ANKRD30A: variants seen among roughly 807,000 people sequenced by gnomAD.
The protein encoded by ANKRD30A is ankyrin repeat domain-containing protein 30A.
Under a neutral mutation model 166.3 loss-of-function variants are expected in ANKRD30A, and 170 were observed. The observed-to-expected ratio is 1.02, with a 90% confidence interval of 0.90 to 1.16. The LOEUF (loss-of-function observed/expected upper bound fraction) is 1.16, where lower values mean the gene tolerates loss of function less well. ANKRD30A is among the 50% of genes most tolerant of loss of function. ANKRD30A has a pLI of 0.00. For synonymous variants in ANKRD30A, 564 were observed against 508.9 expected (o/e 1.11, Z -1.46); for missense variants, 1,630 against 1,518.0 (o/e 1.07, Z -1.23).
At chr10:37,165,767 C>T (rs1839278578) in intron 18 of ANKRD30A, among the ~76,000 whole-genome samples, 1 of 151,964 alleles carries the variant, frequency 6.6e-6, no homozygotes, top group Admixed American at 6.6e-5. Context: ...CCTTGAGTCC[C>T]CTTATGGCAG....
intron 31 of ANKRD30A, among the ~76,000 whole-genome samples, chr10:37,210,259 A>G (rs910484430): frequency 6.6e-6 from 1 of 152,156 alleles, no homozygotes; most frequent in Non-Finnish European, 1.5e-5. Flanking sequence ...GATGGTTTCC[A>G]GCTTCATCCA....
chr10:37,136,640 A>G lies in ANKRD30A; in HGVS notation c.789A>G (p.Lys263=), dbSNP rs762692703. The G allele has an allele frequency of 3.7e-5, 53 of 1,420,636 alleles. No homozygotes were observed. The Middle Eastern group carries it at 7.1e-4, about 19-fold the overall frequency. 88.0% of individuals were successfully genotyped at this position (1,420,636 alleles called of 1,614,324 possible). A position where few individuals can be genotyped will look rare whatever the true frequency, so the allele number is the denominator to read the frequency against. ...AACAAATTATGGAATATATACGAAAATTATCTAAAAATCATCAAAATACCA... is the reference window on the plus strand; with the variant it reads ...AACAAATTATGGAATATATACGAAAGTTATCTAAAAATCATCAAAATACCA... ...IHEQIMEYIR[K]LSKNHQNTNP... is the part of the protein sequence containing the mutation. The change falls in exon 6 of 36, where the codon AAA becomes AAG. Residue 263 remains lysine, a synonymous_variant. Transcript: ENST00000361713.
At chr10:37,195,690 C>G (rs899179685) in intron 27 of ANKRD30A, among the ~76,000 whole-genome samples, 3 of 152,140 alleles carry the variant, frequency 2.0e-5, no homozygotes, top group Admixed American at 6.5e-5. Flanking sequence ...GTGAGGAGAT[C>G]GAGACCATCC....
At chr10:37,259,926 A>T in the ANKRD30A span, among the ~76,000 whole-genome samples, 1 of 152,244 alleles carries the variant, frequency 6.6e-6, no homozygotes, top group South Asian at 2.1e-4. Flanking sequence ...AAATTCATTG[A>T]GCTGTAACTA....
At chr10:37,138,589 T>C (rs1025249784) in intron 6 of ANKRD30A, among the ~76,000 whole-genome samples, 7 of 152,148 alleles carry the variant, frequency 4.6e-5, no homozygotes, top group African/African-American at 1.7e-4. Context: ...TGCACAAGCC[T>C]CAGTAGCCGA....
the ANKRD30A span, among the ~76,000 whole-genome samples, chr10:37,248,979 G>T: frequency 2.6e-5 from 4 of 152,264 alleles, no homozygotes; most frequent in East Asian, 1.9e-4. Context: ...TGTCGGAGGG[G>T]ATTCAGAAGT....
Position 37,149,666 on chromosome 10 carries a change from C to T in ANKRD30A, c.1559C>T (p.Pro520Leu), listed in dbSNP as rs1455136326. 6.2e-7 allele frequency: 1 copy of T among 1,612,212 alleles called. No homozygotes were observed. Among genetic ancestry groups the T allele is most frequent in the African/African-American group, 1.3e-5 (1 of 74,818 alleles). Reference sequence around the variant, plus strand: ...TGCTTTTTAGAGCCTCCTAAGAAGCCATCTGCCTTCAAGGTATTTAGTTTT... The same window carrying T: ...TGCTTTTTAGAGCCTCCTAAGAAGCTATCTGCCTTCAAGGTATTTAGTTTT... Reference protein sequence around the residue: ...NREVEEPPKKPSAFKPAIEMQ... With the variant: ...NREVEEPPKKLSAFKPAIEMQ... Residue 520 changes from proline to leucine, a missense_variant, in exon 10 of 36, where the codon CCA becomes CTA. Coordinates refer to ENST00000361713, the MANE Select transcript of ANKRD30A (RefSeq NM_052997.3).
At chr10:37,246,374 T>C in the ANKRD30A span, among the ~76,000 whole-genome samples, 1 of 152,218 alleles carries the variant, frequency 6.6e-6, no homozygotes, top group Non-Finnish European at 1.5e-5. Flanking sequence ...TGATAATACT[T>C]TGTTTTTATT....
At chr10:37,228,689 G>C (rs1326165259) in intron 34 of ANKRD30A, among the ~76,000 whole-genome samples, 1 of 151,886 alleles carries the variant, frequency 6.6e-6, no homozygotes. Context: ...TAATTAAAAG[G>C]AATTTTAGGA....
chr10:37,263,290 G>T, the ANKRD30A span, among the ~76,000 whole-genome samples: 1 of 151,930 alleles, frequency 6.6e-6, no homozygotes, highest in African/African-American at 2.4e-5. Flanking sequence ...ACCAGAGACT[G>T]GTTTCATGGA....
At chr10:37,211,105 T>C (rs1318983421) in intron 31 of ANKRD30A, among the ~76,000 whole-genome samples, 3 of 151,908 alleles carry the variant, frequency 2.0e-5, no homozygotes, top group East Asian at 3.9e-4. Flanking sequence ...TTAGGTCTTA[T>C]GTTTAAGTGT....
chr10:37,262,052 T>C, the ANKRD30A span: 1 of 152,436 alleles, frequency 6.6e-6, no homozygotes, highest in African/African-American at 2.4e-5. Flanking sequence ...ATGTATTTGA[T>C]AGATCCTTTA....
intron 29 of ANKRD30A, among the ~76,000 whole-genome samples, chr10:37,197,729 A>G (rs1009792555): frequency 9.9e-5 from 15 of 152,206 alleles, no homozygotes; most frequent in African/African-American, 3.4e-4. Context: ...AATGTTTTCT[A>G]TTTTGAACTT....
At chr10:37,177,391 A>ATTT (rs1213537432) in intron 24 of ANKRD30A, among the ~76,000 whole-genome samples, 2 of 151,278 alleles carry the variant, frequency 1.3e-5, no homozygotes, top group Non-Finnish European at 3.0e-5. Flanking sequence ...TTTTTGAAAT[A>ATTT]TGCACGAGTG....
chr10:37,209,865 T>G (rs1040758578), intron 31 of ANKRD30A, among the ~76,000 whole-genome samples: 1 of 152,156 alleles, frequency 6.6e-6, no homozygotes, highest in Non-Finnish European at 1.5e-5. Context: ...TTCCTATTGT[T>G]GACATCATTT....
intron 34 of ANKRD30A, 104 bp from the exon 35 acceptor site, chr10:37,231,357 G>A: frequency 1.1e-6 from 1 of 890,346 alleles, no homozygotes; most frequent in Non-Finnish European, 1.6e-6. Context: ...AATGGGAAAT[G>A]TTATTTATTC....
intron 4 of ANKRD30A, 68 bp from the exon 5 acceptor site, chr10:37,133,848 C>A (rs1836517290): frequency 6.5e-7 from 1 of 1,549,686 alleles, no homozygotes; most frequent in Admixed American, 1.8e-5. Context: ...ATGGTTAATT[C>A]TACAATGACA....
At chr10:37,245,220 A>G in the ANKRD30A span, among the ~76,000 whole-genome samples, 1 of 152,054 alleles carries the variant, frequency 6.6e-6, no homozygotes, top group East Asian at 1.9e-4. Flanking sequence ...TTATTTTTAT[A>G]TATATTTTTT....
chr10:37,231,312 T>C, intron 34 of ANKRD30A, 149 bp from the exon 35 acceptor site: 1 of 473,780 alleles, frequency 2.1e-6, no homozygotes, highest in Non-Finnish European at 3.7e-6. Context: ...ACACTAGGCA[T>C]GCTCTCACAC....
Sources: gnomAD v4.1 joint callset for allele counts (sites outside exome capture counted in the v4.1 genomes callset) on GRCh38, gnomAD v4.1.1 for gene constraint, MANE v1.5 for transcripts, NCBI Gene and HGNC (gene_info 2026-07-23, HGNC 2026-07-21) for gene names.